Variants in TEX29 observed in about 807,000 individuals in gnomAD.
TEX29 encodes testis expressed 29.
Under a neutral mutation model 18.2 loss-of-function variants are expected in TEX29, and 26 were observed. The observed-to-expected ratio is 1.43, with a 90% CI of 1.04 to 1.98. TEX29 has a LOEUF of 1.98. Among genes scored for constraint, TEX29 ranks in the 30% most tolerant of loss-of-function variants. TEX29 has a pLI of 0.00. For missense variants in TEX29, 177 were observed against 194.2 expected, an observed-to-expected ratio of 0.91 and a Z score of 0.53; for synonymous variants, 83 against 78.5, an observed-to-expected ratio of 1.06 and a Z score of -0.31.
chr13:111,320,976 G>T, intron 2 of TEX29, 28 bp downstream of exon 2: 1 of 1,430,750 alleles, frequency 7.0e-7, no homozygotes. Flanking sequence ...CAGGGGGGCG[G>T]GTGGGGTGGG....
chr13:111,318,054 T>C (rs1047405164), upstream of TEX29, among the ~76,000 whole-genome samples: 1 of 152,152 alleles, frequency 6.6e-6, no homozygotes, highest in African/African-American at 2.4e-5. Flanking sequence ...ATCTCTTTTT[T>C]GAGGAAACAC....
intron 3 of TEX29, among the ~76,000 whole-genome samples, chr13:111,336,824 C>A (rs375322548): frequency 6.6e-6 from 1 of 152,174 alleles, no homozygotes; most frequent in Admixed American, 6.5e-5. Context: ...AGACACTGTA[C>A]GGAGCGCATC....
At chr13:111,339,597 G>A (rs1156413167) in intron 3 of TEX29, among the ~76,000 whole-genome samples, 1 of 152,016 alleles carries the variant, frequency 6.6e-6, no homozygotes, top group Non-Finnish European at 1.5e-5. Context: ...GGGGGTCAGG[G>A]TGGTCACAAG....
In TEX29 at chr13:111,321,002, G is replaced by GC. The variant is rs981955600; in HGVS notation, c.58+54_58+55insC. The GC allele has an allele frequency of 3.7e-5, 27 of 723,266 alleles. 1 individual carries two copies. The highest frequency in any genetic ancestry group is 2.2e-4 in the Admixed American group (9 of 41,848). The allele number at this position is 723,266 out of a possible 1,614,324, so 44.8% of individuals were successfully genotyped here. A position where few individuals can be genotyped will look rare whatever the true frequency, so the allele number is the denominator to read the frequency against. On this transcript the variant is annotated intron_variant, in intron 2 of 5. Transcript: ENST00000283547. ...GTGGGGTGGGGGAGCAGTTGGGGGG[G>GC]GGCACAGGGAGGAGCTGTTTGAGCC...
chr13:111,334,057 G>T (rs1459494764), intron 3 of TEX29, among the ~76,000 whole-genome samples: 1 of 152,198 alleles, frequency 6.6e-6, no homozygotes, highest in Non-Finnish European at 1.5e-5. Context: ...TCTTTGTCAA[G>T]TAAGTCCAAT....
intron 4 of TEX29, among the ~76,000 whole-genome samples, chr13:111,342,314 G>T (rs1353360224): frequency 6.6e-6 from 1 of 152,210 alleles, no homozygotes; most frequent in Non-Finnish European, 1.5e-5. Flanking sequence ...GTAGCCTGCA[G>T]TGCAACACAC....
chr13:111,324,039 C>T (rs1357914058), intron 2 of TEX29, among the ~76,000 whole-genome samples: 4 of 152,202 alleles, frequency 2.6e-5, no homozygotes, highest in Admixed American at 6.5e-5. Context: ...CACATTCAGC[C>T]GGATTCCAGG....
chr13:111,317,784 G>A (rs914020753), upstream of TEX29, among the ~76,000 whole-genome samples: 2 of 152,178 alleles, frequency 1.3e-5, no homozygotes, highest in East Asian at 1.9e-4. Context: ...CCACCCCAGG[G>A]CTGCTGGCAG....
intron 1 of TEX29, 28 bp from the exon 2 acceptor site, chr13:111,320,829 G>C (rs187158425): frequency 6.2e-7 from 1 of 1,609,030 alleles, no homozygotes; most frequent in East Asian, 2.2e-5. Context: ...CCAGGGCCCC[G>C]CCCGTGCTGA....
At chr13:111,339,326 G>A (rs1002909104) in intron 3 of TEX29, 1 of 454,832 alleles carries the variant, frequency 2.2e-6, no homozygotes, top group Non-Finnish European at 4.4e-6. Flanking sequence ...GCATTGAGGA[G>A]CCATTTCCAG....
At chr13:111,320,797 G>T (rs1021490640) in intron 1 of TEX29, 35 bp downstream of exon 1, 9 of 1,528,472 alleles carry the variant, frequency 5.9e-6, no homozygotes, top group African/African-American at 2.7e-5. Context: ...GGTGTGAGCC[G>T]CCCGCTCCCC....
At chr13:111,320,983 T>TGGGGGGGGGGGGGGGGGGGGGGGGGGGG in intron 2 of TEX29, 35 bp downstream of exon 2, 2 of 193,508 alleles carry the variant, frequency 1.0e-5, no homozygotes, top group Non-Finnish European at 9.0e-6. Flanking sequence ...GCGGGTGGGG[T>TGGGGGGGGGGGGGGGGGGGGGGGGGGGG]GGGGGAGCAG....
chr13:111,324,919 C>A (rs1357676611), intron 2 of TEX29, among the ~76,000 whole-genome samples: 1 of 152,190 alleles, frequency 6.6e-6, no homozygotes, highest in East Asian at 1.9e-4. Flanking sequence ...TGTTAGAAGC[C>A]TCAGGAGGTG....
In TEX29 at chr13:111,320,955, AG is replaced by A; in HGVS notation, c.58+10del. The stretch of plus-strand genomic sequence containing the variant: ...CTCCTGAAGCAATTCACAGGTATGG[AG>A]GGAAGGCGCCAGGGGGGCGGGTGGG... On this transcript the variant is annotated splice_region_variant and intron_variant, in intron 2 of 5. Transcript: ENST00000283547. 1 of 757,422 alleles carries A rather than the reference AG, an allele frequency of 1.3e-6. No individual in the cohort carries two copies. The highest frequency in any genetic ancestry group is 1.8e-6 in the Non-Finnish European group (1 of 559,826). The allele number at this position is 757,422 out of a possible 1,614,324, so 46.9% of individuals were successfully genotyped here.
At chr13:111,322,430 T>C (rs2093666325) in intron 2 of TEX29, among the ~76,000 whole-genome samples, 1 of 152,270 alleles carries the variant, frequency 6.6e-6, no homozygotes, top group South Asian at 2.1e-4. Flanking sequence ...TCCTGGTTTC[T>C]GCTTCAGGGC....
chr13:111,338,026 A>T (rs942021090), intron 3 of TEX29, among the ~76,000 whole-genome samples: 6 of 152,128 alleles, frequency 3.9e-5, no homozygotes, highest in Non-Finnish European at 7.3e-5. Context: ...TGGGCACCTC[A>T]TCCATTGCTG....
chr13:111,320,567 G>A (rs111869298), upstream of TEX29: 9,160 of 431,190 alleles, frequency 0.021, 173 homozygotes, highest in African/African-American at 0.066. Context: ...CCTGTGTGAC[G>A]CCCACGTGAC....
upstream of TEX29, among the ~76,000 whole-genome samples, chr13:111,318,122 A>T (rs2093657661): frequency 6.6e-6 from 1 of 152,126 alleles, no homozygotes; most frequent in Admixed American, 6.5e-5. Flanking sequence ...GAGCCCCCCG[A>T]ATCCCCTGCT....
upstream of TEX29, among the ~76,000 whole-genome samples, chr13:111,317,032 C>T (rs944560415): frequency 1.1e-4 from 16 of 152,308 alleles, no homozygotes; most frequent in East Asian, 9.7e-4. Context: ...CCCCCCACCA[C>T]GTCCCTCTCT....
Sources: allele counts gnomAD v4.1 joint callset (sites outside exome capture counted in the v4.1 genomes callset), GRCh38; gene constraint gnomAD v4.1.1; transcripts MANE v1.5; gene names NCBI Gene and HGNC (gene_info 2026-07-23, HGNC 2026-07-21).